GABRA2: variants seen among roughly 807,000 people sequenced by gnomAD.
GABRA2 encodes the protein gamma-aminobutyric acid type A receptor subunit alpha2.
Under a neutral mutation model 48.7 loss-of-function variants are expected in GABRA2, and 16 were observed. That is an observed-to-expected ratio of 0.33 (90% CI 0.22 to 0.50). The LOEUF (loss-of-function observed/expected upper bound fraction) is 0.50. Ranked by LOEUF, GABRA2 falls within the 20% of genes least tolerant of loss-of-function variation. The pLI, the probability that GABRA2 is intolerant of heterozygous loss-of-function variation, is 0.98. For missense variants in GABRA2, 275 were observed against 535.6 expected (o/e 0.51, Z 4.80); for synonymous variants, 185 against 184.5 (o/e 1.00, Z -0.02).
intron 8 of GABRA2, among the ~76,000 whole-genome samples, chr4:46,292,571 A>G (rs1419317054): frequency 6.6e-6 from 1 of 152,222 alleles, no homozygotes; most frequent in Non-Finnish European, 1.5e-5. Context: ...ATTTGGGCGC[A>G]CTAAGTAGAG....
intron 4 of GABRA2, among the ~76,000 whole-genome samples, 195 bp downstream of exon 4, chr4:46,332,420 T>C (rs528377547): frequency 4.5e-4 from 68 of 152,236 alleles, no homozygotes; most frequent in African/African-American, 1.5e-3. Flanking sequence ...GTAAAATACA[T>C]AGGGCTAATC....
chr4:46,291,478 T>C (rs1189375936), intron 8 of GABRA2, among the ~76,000 whole-genome samples: 1 of 152,114 alleles, frequency 6.6e-6, no homozygotes, highest in Admixed American at 6.6e-5. Flanking sequence ...AGATTAACAT[T>C]TGAGTCAGTG....
intron 3 of GABRA2, among the ~76,000 whole-genome samples, chr4:46,347,080 A>C (rs971716014): frequency 6.6e-6 from 1 of 151,928 alleles, no homozygotes; most frequent in African/African-American, 2.4e-5. Context: ...ATATTGTTGA[A>C]ATCAATTGAA....
chr4:46,269,856 T>G (rs1718969860), intron 8 of GABRA2, among the ~76,000 whole-genome samples: 1 of 151,956 alleles, frequency 6.6e-6, no homozygotes. Context: ...ATATTCTTTT[T>G]CTGCAGTGAA....
chr4:46,374,611 T>C (rs2110013264), intron 3 of GABRA2, among the ~76,000 whole-genome samples: 1 of 152,294 alleles, frequency 6.6e-6, no homozygotes, highest in Admixed American at 6.5e-5. Flanking sequence ...AATACTCATG[T>C]ATTTCAGTAT....
Position 46,246,824 on chromosome 4 carries a change from G to T in GABRA2, c.*3484C>A, listed in dbSNP as rs1713797810. 6.6e-6 allele frequency among the ~76,000 whole-genome samples: 1 copy of T among 151,086 alleles called. No individual in the cohort carries two copies. The highest frequency in any genetic ancestry group is 2.0e-4 in the East Asian group (1 of 5,108). On this transcript the variant is annotated 3_prime_UTR_variant, in exon 10 of 10. Transcript: ENST00000381620. Reference sequence around the variant, plus strand: ...AGAATACATTAAACAAATTATTAATGGATGCCAAAGAACCATGATAATGCA... The same window carrying T: ...AGAATACATTAAACAAATTATTAATTGATGCCAAAGAACCATGATAATGCA...
chr4:46,260,619 A>G (rs564542802), intron 9 of GABRA2, among the ~76,000 whole-genome samples: 2 of 152,032 alleles, frequency 1.3e-5, no homozygotes, highest in African/African-American at 4.8e-5. Flanking sequence ...ATTAGTATAA[A>G]GGTGCATGTG....
At chr4:46,343,581 CAG>C (rs1733656363) in intron 3 of GABRA2, among the ~76,000 whole-genome samples, 1 of 151,680 alleles carries the variant, frequency 6.6e-6, no homozygotes, top group Admixed American at 6.6e-5. Flanking sequence ...AGAAAGAGAA[CAG>C]AGAGGGAGTA....
At chr4:46,337,894 G>C (rs1732535609) in intron 3 of GABRA2, among the ~76,000 whole-genome samples, 1 of 151,896 alleles carries the variant, frequency 6.6e-6, no homozygotes, top group African/African-American at 2.4e-5. Flanking sequence ...TTAAAAGCTT[G>C]TCAAAAAAGA....
intron 8 of GABRA2, among the ~76,000 whole-genome samples, chr4:46,284,940 T>G (rs1722251104): frequency 6.6e-6 from 1 of 151,260 alleles, no homozygotes; most frequent in Non-Finnish European, 1.5e-5. Context: ...TTTATGAACC[T>G]GTCAATTTAA....
chr4:46,334,155 C>A (rs2109820603), intron 3 of GABRA2, among the ~76,000 whole-genome samples: 1 of 152,232 alleles, frequency 6.6e-6, no homozygotes, highest in African/African-American at 2.4e-5. Flanking sequence ...GAGCAGCTTT[C>A]TGTGTATACA....
At chr4:46,261,381 C>A in intron 9 of GABRA2, 2 of 154,510 alleles carry the variant, frequency 1.3e-5, no homozygotes, top group Admixed American at 6.3e-5. Flanking sequence ...AATCAATCAG[C>A]AGAGACTGGA....
intron 8 of GABRA2, among the ~76,000 whole-genome samples, chr4:46,264,007 C>A (rs1468035294): frequency 6.6e-6 from 1 of 151,458 alleles, no homozygotes; most frequent in African/African-American, 2.4e-5. Context: ...CATACAGCAA[C>A]ATTCTATAGT....
chr4:46,292,810 A>G (rs1213131672), intron 8 of GABRA2, among the ~76,000 whole-genome samples: 1 of 151,862 alleles, frequency 6.6e-6, no homozygotes, highest in African/African-American at 2.4e-5. Context: ...GGCCTAGAAG[A>G]CATACCCTTG....
At chr4:46,327,970 C>T (rs138162565) in intron 4 of GABRA2, among the ~76,000 whole-genome samples, 8 of 151,886 alleles carry the variant, frequency 5.3e-5, no homozygotes, top group Admixed American at 2.6e-4. Context: ...AATACCTATA[C>T]CTTAATAATA....
At chr4:46,348,041 T>C (rs1470668643) in intron 3 of GABRA2, among the ~76,000 whole-genome samples, 5 of 152,048 alleles carry the variant, frequency 3.3e-5, no homozygotes, top group Admixed American at 3.3e-4. Context: ...AAAGGGCTAA[T>C]ATCCAGAATC....
chr4:46,307,124 A>G (rs1222246404), intron 6 of GABRA2, among the ~76,000 whole-genome samples: 1 of 152,078 alleles, frequency 6.6e-6, no homozygotes, highest in Non-Finnish European at 1.5e-5. Flanking sequence ...CTTTTAATAG[A>G]GAAATGTCCA....
intron 8 of GABRA2, among the ~76,000 whole-genome samples, chr4:46,277,441 C>A (rs1204651290): frequency 1.3e-5 from 2 of 152,240 alleles, no homozygotes; most frequent in East Asian, 3.9e-4. Context: ...TGAGTTTCTG[C>A]CCTGTACAGG....
chr4:46,263,912 T>TTCTC lies in GABRA2; in HGVS notation c.857-1788_857-1785dup, dbSNP rs3068324. On this transcript the variant is annotated intron_variant, in intron 8 of 9. Transcript: ENST00000381620. ...ACAGGATATATTTCCATTAGATCAA[T>TTCTC]TCTCTCTCTCTCTCTCTCTCTCTCT... is the stretch of plus-strand genomic sequence containing the variant. 8.1e-3 allele frequency among the ~76,000 whole-genome samples: 1,168 copies of TTCTC among 145,062 alleles called. 12 individuals are homozygous for TTCTC. The highest frequency in any genetic ancestry group is 0.018 in the African/African-American group (706 of 39,530).
Sources: allele counts gnomAD v4.1 joint callset (sites outside exome capture counted in the v4.1 genomes callset), GRCh38; gene constraint gnomAD v4.1.1; transcripts MANE v1.5; gene names NCBI Gene and HGNC (gene_info 2026-07-23, HGNC 2026-07-21).